The following NSD2 variants were observed in gnomAD, a reference collection of about 807,000 sequenced individuals.
NSD2 encodes the protein nuclear receptor binding SET domain protein 2.
Under a neutral mutation model 139.0 loss-of-function variants are expected in NSD2, and 12 were observed. The ratio of observed to expected loss-of-function variants is 0.09; its 90% CI spans 0.06 to 0.14. The LOEUF (loss-of-function observed/expected upper bound fraction) is 0.14, where lower values mean the gene tolerates loss of function less well. Among genes scored for constraint, NSD2 ranks in the 10% least tolerant of loss-of-function variants. The pLI, the probability that NSD2 is intolerant of heterozygous loss-of-function variation, is 1.00. For missense variants in NSD2, 1,155 were observed against 1,745.0 expected (o/e 0.66, Z 6.02); for synonymous variants, 669 against 648.7 (o/e 1.03, Z -0.48).
At chr4:1,928,563 C>T (rs140181871) in intron 5 of NSD2, among the ~76,000 whole-genome samples, 2,302 of 152,258 alleles carry the variant, frequency 0.015, 33 homozygotes, top group Non-Finnish European at 0.022. Context: ...ATGACACTTT[C>T]CTGGCTTCCC....
At chr4:1,943,427 G>A (rs1209093804) in intron 9 of NSD2, 9 of 1,043,078 alleles carry the variant, frequency 8.6e-6, no homozygotes, top group African/African-American at 1.7e-5. Flanking sequence ...TAATAAAAAT[G>A]ATAAAATTGC....
chr4:1,934,564 A>G (rs1345826046), intron 6 of NSD2, among the ~76,000 whole-genome samples: 4 of 151,226 alleles, frequency 2.6e-5, no homozygotes, highest in African/African-American at 2.4e-5. Flanking sequence ...AATTATAATT[A>G]TAAGGCCAGG....
chr4:1,934,659 C>T (rs1722088694), intron 6 of NSD2, among the ~76,000 whole-genome samples: 1 of 148,672 alleles, frequency 6.7e-6, no homozygotes, highest in South Asian at 2.1e-4. Context: ...ACCAGCCTGA[C>T]CAACATGGTG....
chr4:1,938,607 G>T, intron 8 of NSD2, 75 bp downstream of exon 8: 1 of 1,239,098 alleles, frequency 8.1e-7, no homozygotes, highest in South Asian at 1.3e-5. Context: ...CTGAGAGTGT[G>T]AAAGGGGAAG....
In NSD2 at chr4:1,957,096, C is replaced by T. The variant is rs1399679645; in HGVS notation, c.2882-837C>T. On this transcript the variant is annotated intron_variant, in intron 15 of 21. Transcript: ENST00000508803. ...GCAGGTGTCCTGTAGAGCCAGAAAC[C>T]TTTGTGGCTGACTTGGGGCTGCAAA... Among the ~76,000 whole-genome samples the T allele has an allele frequency of 2.0e-5, 3 of 152,192 alleles. No individual in the cohort carries two copies. In the East Asian group the frequency reaches 5.8e-4, roughly 29 times the overall value.
chr4:1,925,779 TTTG>T (rs1277799991), intron 5 of NSD2, among the ~76,000 whole-genome samples: 6 of 142,738 alleles, frequency 4.2e-5, no homozygotes, highest in African/African-American at 1.4e-4. Context: ...TATATTTTTT[TTTG>T]TTTGTTTGTT....
chr4:1,905,512 G>T (rs1357451417), intron 3 of NSD2, among the ~76,000 whole-genome samples: 1 of 152,262 alleles, frequency 6.6e-6, no homozygotes, highest in East Asian at 1.9e-4. Flanking sequence ...GGGCAGCGTT[G>T]CTGCCCTTGC....
chr4:1,928,161 C>T (rs994391028), intron 5 of NSD2, among the ~76,000 whole-genome samples: 6 of 151,866 alleles, frequency 4.0e-5, no homozygotes, highest in Non-Finnish European at 7.4e-5. Flanking sequence ...CTTAGGCCTC[C>T]GAAAATGTTG....
intron 9 of NSD2, chr4:1,946,858 G>C (rs977170439): frequency 9.4e-7 from 1 of 1,058,208 alleles, no homozygotes; most frequent in Admixed American, 5.4e-5. Context: ...CATCTTTTTG[G>C]TTGGATACCT....
At chr4:1,917,778 CTTTTT>C (rs34000332) in intron 4 of NSD2, among the ~76,000 whole-genome samples, 3 of 122,658 alleles carry the variant, frequency 2.4e-5, no homozygotes. Flanking sequence ...TAAAAGTATT[CTTTTT>C]TTTTTTTTTT....
chr4:1,929,486 C>T (rs1721375063), intron 5 of NSD2, among the ~76,000 whole-genome samples: 1 of 152,166 alleles, frequency 6.6e-6, no homozygotes, highest in Non-Finnish European at 1.5e-5. Flanking sequence ...AGCATCAGAG[C>T]TGGTTGGTGC....
chr4:1,877,230 A>G (rs1445908978), intron 1 of NSD2, among the ~76,000 whole-genome samples: 2 of 152,074 alleles, frequency 1.3e-5, no homozygotes, highest in Non-Finnish European at 2.9e-5. Context: ...TTTTGCTGCT[A>G]TATTATGGAG....
At chr4:1,952,014 T>G (rs1393515375) in intron 10 of NSD2, 94 bp from the exon 11 acceptor site, 1 of 1,525,434 alleles carries the variant, frequency 6.6e-7, no homozygotes, top group Non-Finnish European at 8.8e-7. Context: ...TGGGATTTTC[T>G]GCCACTGGAG....
At chr4:1,940,834 G>A (rs900493953) in intron 9 of NSD2, 2 of 1,057,098 alleles carry the variant, frequency 1.9e-6, no homozygotes, top group Non-Finnish European at 2.3e-6. Flanking sequence ...TCCAGTGCAG[G>A]AAGGTCAGGG....
At chr4:1,897,516 G>T (rs2108733024) in intron 1 of NSD2, among the ~76,000 whole-genome samples, 1 of 152,250 alleles carries the variant, frequency 6.6e-6, no homozygotes, top group Admixed American at 6.5e-5. Flanking sequence ...GTTTGGCAGG[G>T]TACAGGGGCT....
intron 5 of NSD2, among the ~76,000 whole-genome samples, chr4:1,926,476 T>A (rs1262046766): frequency 1.3e-5 from 2 of 151,904 alleles, no homozygotes; most frequent in East Asian, 3.9e-4. Flanking sequence ...TAATTTTTTT[T>A]ATTTTTATTT....
intron 3 of NSD2, among the ~76,000 whole-genome samples, chr4:1,906,900 A>G (rs920583512): frequency 1.3e-5 from 2 of 151,884 alleles, no homozygotes; most frequent in African/African-American, 2.4e-5. Flanking sequence ...ACCTCAAGTG[A>G]TCTGCCCACC....
chr4:1,901,104 T>G lies in NSD2; in HGVS notation c.450T>G (p.Asp150Glu). ...CCATTTGTGGTGACAGTGCTGCTGA[T>G]GTGTCTCAGTCAGAAGAAAATGGAC... ...ESSICGDSAADVSQSEENGQK... is the reference protein window; with the variant it reads ...ESSICGDSAAEVSQSEENGQK... The change falls in exon 2 of 22, where the codon GAT becomes GAG. Residue 150 changes from aspartate to glutamate, a missense_variant. Physicochemically the swap from Asp to Glu is conservative, Grantham distance 45. Transcript: ENST00000508803. 6.2e-7 allele frequency: 1 copy of G among 1,614,178 alleles called. No homozygotes were observed. Among genetic ancestry groups the G allele is most frequent in the Non-Finnish European group, 8.5e-7 (1 of 1,180,026 alleles).
intron 18 of NSD2, among the ~76,000 whole-genome samples, chr4:1,971,807 A>C (rs1320822425): frequency 6.6e-6 from 1 of 152,230 alleles, no homozygotes; most frequent in East Asian, 1.9e-4. Flanking sequence ...GAGGAAAACA[A>C]ATCCAGAGTC....
Sources: allele counts gnomAD v4.1 joint callset (sites outside exome capture counted in the v4.1 genomes callset), GRCh38; gene constraint gnomAD v4.1.1; transcripts MANE v1.5; gene names NCBI Gene and HGNC (gene_info 2026-07-23, HGNC 2026-07-21).